AKAP8L: variants seen among roughly 807,000 people sequenced by gnomAD.
AKAP8L encodes A-kinase anchor protein 8-like.
In AKAP8L, 34 loss-of-function variants were observed where a neutral mutation model predicts 77.5. The ratio of observed to expected loss-of-function variants is 0.44; its 90% confidence interval spans 0.33 to 0.58. The LOEUF is 0.58. Among genes scored for constraint, AKAP8L ranks in the 20% least tolerant of loss-of-function variants. The probability of loss-of-function intolerance (pLI) is 0.02; values close to 1 mark genes in which losing one functional copy is unlikely to be tolerated. For synonymous variants in AKAP8L, 342 were observed against 340.7 expected (o/e 1.00, Z -0.04); for missense variants, 806 against 887.6 (o/e 0.91, Z 1.17).
chr19:15,392,488 C>A (rs1967682953), intron 12 of AKAP8L, among the ~76,000 whole-genome samples: 1 of 150,732 alleles, frequency 6.6e-6, no homozygotes. Context: ...CAGAGTGAGA[C>A]CCTATTTCAA....
Position 15,401,337 on chromosome 19 carries a change from T to G in AKAP8L, c.629A>C (p.Gln210Pro). ...CAGCCGAGAGGCACCAGACATGCAC[T>G]GGCCCCGGGCCCCCATGGGGTCTTC... ...MWEDPMGARG[Q>P]CMSGASRLPS... Residue 210 changes from glutamine to proline, a missense_variant, in exon 5 of 14, where the codon CAG becomes CCG. Gln to Pro is a moderately conservative substitution (Grantham distance 76, BLOSUM62 -1). Coordinates refer to ENST00000397410, the MANE Select transcript of AKAP8L (RefSeq NM_014371.4). This position sits in a 1 kb window ranked among gnomAD's most constrained non-coding sequence, Gnocchi z 6.2. The G allele has an allele frequency of 6.2e-7, 1 of 1,613,440 alleles. No homozygotes were observed. Among genetic ancestry groups the G allele is most frequent in the Admixed American group, 1.7e-5 (1 of 60,030 alleles).
intron 1 of AKAP8L, among the ~76,000 whole-genome samples, chr19:15,416,025 C>T (rs942415522): frequency 6.6e-6 from 1 of 151,994 alleles, no homozygotes; most frequent in African/African-American, 2.4e-5. Context: ...AAGGGTCTTG[C>T]TATGTTGCCC....
intron 1 of AKAP8L, 91 bp downstream of exon 1, chr19:15,418,820 C>T: frequency 7.2e-7 from 1 of 1,385,606 alleles, no homozygotes; most frequent in Admixed American, 1.9e-5. Flanking sequence ...GTGACGGGGC[C>T]CCAGGGGAGG....
In AKAP8L at chr19:15,403,382, G is replaced by A. The variant is rs1220853976; in HGVS notation, c.362+93C>T. 18 of 1,240,938 alleles carry A rather than the reference G, an allele frequency of 1.5e-5. No homozygotes were observed. The highest frequency in any genetic ancestry group is 2.0e-5 in the Non-Finnish European group (17 of 855,982). The allele number at this position is 1,240,938 out of a possible 1,614,324, so 76.9% of individuals were successfully genotyped here. On this transcript the variant is annotated intron_variant, in intron 4 of 13. Coordinates refer to ENST00000397410, the MANE Select transcript of AKAP8L (RefSeq NM_014371.4). The surrounding 1 kb of genome is among the most constrained non-coding windows in gnomAD (Gnocchi z 4.3). ...AGCACCAAGCAGCGGGGAGGAAGCA[G>A]ACACAGAGGGGCACTCAGAGAGGAA...
rs1967363448 is a variant in AKAP8L, at chr19:15,380,087, T to G, written c.*35A>C. ...ACTTTATTAGGTTTGGTTTCCAGCT[T>G]CGGCCACGCGGGCTCCGCCCGCCCC... On this transcript the variant is annotated 3_prime_UTR_variant, in exon 14 of 14. Coordinates refer to ENST00000397410, the MANE Select transcript of AKAP8L (RefSeq NM_014371.4). 1.4e-6 allele frequency: 2 copies of G among 1,451,142 alleles called. No homozygotes were observed. The highest frequency in any genetic ancestry group is 1.8e-6 in the Non-Finnish European group (2 of 1,113,952). 89.9% of individuals were successfully genotyped at this position (1,451,142 alleles called of 1,614,324 possible).
chr19:15,401,719 G>T lies in AKAP8L; in HGVS notation c.363-116C>A. On this transcript the variant is annotated intron_variant, in intron 4 of 13. Transcript: ENST00000397410. This position sits in a 1 kb window ranked among gnomAD's most constrained non-coding sequence, Gnocchi z 6.2. ...AGCACCCACCCTGCCCTGGTTGGGAGGCTCAATGTTCAGAAATGCCGATTA... is the reference window on the plus strand; with the variant it reads ...AGCACCCACCCTGCCCTGGTTGGGATGCTCAATGTTCAGAAATGCCGATTA... 1 of 813,726 alleles carries T rather than the reference G, an allele frequency of 1.2e-6. No individual in the cohort carries two copies. Among genetic ancestry groups the T allele is most frequent in the Non-Finnish European group, 1.9e-6 (1 of 531,296 alleles). The allele number at this position is 813,726 out of a possible 1,614,324, so 50.4% of individuals were successfully genotyped here. A position where few individuals can be genotyped will look rare whatever the true frequency, so the allele number is the denominator to read the frequency against.
At position 15,398,234 on chromosome 19, in the gene AKAP8L, G is replaced by A. The variant is rs1006124483; in HGVS notation, c.1158-379C>T. On this transcript the variant is annotated intron_variant, in intron 9 of 13. Coordinates refer to ENST00000397410, the MANE Select transcript of AKAP8L (RefSeq NM_014371.4). This position sits in a 1 kb window ranked among gnomAD's most constrained non-coding sequence, Gnocchi z 9.2. ...GGACCGGAAGGAAGGATGCCCTGGCGTGAGCCAGGTGGCCCTGAGGTGCAG... is the reference window on the plus strand; with the variant it reads ...GGACCGGAAGGAAGGATGCCCTGGCATGAGCCAGGTGGCCCTGAGGTGCAG... 2.4e-5 allele frequency: 7 copies of A among 292,536 alleles called. No individual in the cohort carries two copies. The highest frequency in any genetic ancestry group is 1.4e-4 in the Admixed American group (3 of 21,842). 18.1% of individuals were successfully genotyped at this position (292,536 alleles called of 1,614,324 possible).
At chr19:15,418,345 C>T (rs1364250007) in intron 1 of AKAP8L, among the ~76,000 whole-genome samples, 1 of 152,202 alleles carries the variant, frequency 6.6e-6, no homozygotes, top group Admixed American at 6.5e-5. Context: ...AGTTCAGCCC[C>T]TAGGGGCCCA....
chr19:15,392,140 G>A (rs1419777223), intron 12 of AKAP8L, among the ~76,000 whole-genome samples: 1 of 152,214 alleles, frequency 6.6e-6, no homozygotes, highest in East Asian at 1.9e-4. Flanking sequence ...AGCCATAGCT[G>A]AAATATTATT....
intron 4 of AKAP8L, among the ~76,000 whole-genome samples, chr19:15,402,740 A>G (rs750828579): frequency 6.6e-6 from 1 of 152,164 alleles, no homozygotes; most frequent in African/African-American, 2.4e-5. Flanking sequence ...CATGTTAGAG[A>G]TACACCCACG....
chr19:15,411,743 A>C (rs1968108552), intron 1 of AKAP8L, among the ~76,000 whole-genome samples: 1 of 151,910 alleles, frequency 6.6e-6, no homozygotes, highest in African/African-American at 2.4e-5. Flanking sequence ...TCAACTTTCA[A>C]ACTATTTCTC....
At chr19:15,400,551 T>C (rs1967871920) in intron 7 of AKAP8L, 193 bp from the exon 8 acceptor site, 1 of 723,048 alleles carries the variant, frequency 1.4e-6, no homozygotes, top group Non-Finnish European at 2.2e-6. Flanking sequence ...GGCCCGGCTA[T>C]GTGCCAGAAA....
chr19:15,400,729 A>G, intron 7 of AKAP8L, 65 bp downstream of exon 7: 1 of 1,575,220 alleles, frequency 6.3e-7, no homozygotes, highest in Non-Finnish European at 8.7e-7. Context: ...CCCCAGGGAG[A>G]GCACCACTCT....
At chr19:15,406,362 GGAGAGAGAGAGAGAGAGAGAGAGAGA>G (rs3040938) in intron 2 of AKAP8L, among the ~76,000 whole-genome samples, 2 of 89,380 alleles carry the variant, frequency 2.2e-5, no homozygotes, top group Admixed American at 1.1e-4. Context: ...GAAATTTTAA[GGAGAGAGAGAGAGAGAGAGAGAGAGA>G]GAGAGAGAGA....
In AKAP8L at chr19:15,380,121, G is replaced by A. The variant is rs1353885290; in HGVS notation, c.*1C>T. 2 of 1,491,416 alleles carry A rather than the reference G, an allele frequency of 1.3e-6. No individual in the cohort carries two copies. Among genetic ancestry groups the A allele is most frequent in the South Asian group, 1.3e-5 (1 of 79,582 alleles). The allele number at this position is 1,491,416 out of a possible 1,614,324, so 92.4% of individuals were successfully genotyped here. Reference sequence around the variant, plus strand: ...CGGGCTCCGCCCGCCCCGAGCTCGGGTCACGGGGCGCCCCCGCCGCCCTCC... The same window carrying A: ...CGGGCTCCGCCCGCCCCGAGCTCGGATCACGGGGCGCCCCCGCCGCCCTCC... On this transcript the variant is annotated 3_prime_UTR_variant, in exon 14 of 14. Transcript: ENST00000397410.
chr19:15,394,429 G>T (rs570839882), intron 12 of AKAP8L, among the ~76,000 whole-genome samples: 1 of 152,164 alleles, frequency 6.6e-6, no homozygotes, highest in African/African-American at 2.4e-5. Flanking sequence ...AGGTTGGGGG[G>T]GCTGATAGCT....
At position 15,380,173 on chromosome 19, in the gene AKAP8L, G is replaced by C; in HGVS notation, c.1890C>G (p.Ile630Met). ...GGALQRQIRG[I>M]PGLDVEDDEE... Reference sequence around the variant, plus strand: ...CGTCGTCCTCCACGTCGAGGCCCGGGATGCCGCGGATCTGGCGTTGCAGCG... The same window carrying C: ...CGTCGTCCTCCACGTCGAGGCCCGGCATGCCGCGGATCTGGCGTTGCAGCG... The change falls in exon 14 of 14, where the codon ATC becomes ATG. Residue 630 changes from isoleucine (I) to methionine (M), a missense_variant. Around this residue, in one of 2 missense-constraint regions of AKAP8L, gnomAD observed 226 missense variants for 193.5 expected, o/e 1.17. Coordinates refer to ENST00000397410, the MANE Select transcript of AKAP8L (RefSeq NM_014371.4). The C allele has an allele frequency of 6.6e-7, 1 of 1,505,646 alleles. No individual in the cohort carries two copies. Among genetic ancestry groups the C allele is most frequent in the Admixed American group, 2.1e-5 (1 of 47,562 alleles). The allele number at this position is 1,505,646 out of a possible 1,614,324, so 93.3% of individuals were successfully genotyped here. A position where few individuals can be genotyped will look rare whatever the true frequency, so the allele number is the denominator to read the frequency against.
chr19:15,415,722 T>C (rs1170521757), intron 1 of AKAP8L, among the ~76,000 whole-genome samples: 1 of 151,852 alleles, frequency 6.6e-6, no homozygotes, highest in Non-Finnish European at 1.5e-5. Context: ...CCGTCTCTAC[T>C]AAAAATACAA....
At chr19:15,404,683 G>C (rs1289091348) in intron 2 of AKAP8L, among the ~76,000 whole-genome samples, 1 of 152,224 alleles carries the variant, frequency 6.6e-6, no homozygotes, top group Non-Finnish European at 1.5e-5. Context: ...GCACAGAGCA[G>C]GTGACCCCTT....
Sources: allele counts gnomAD v4.1 joint callset (sites outside exome capture counted in the v4.1 genomes callset), GRCh38; gene constraint gnomAD v4.1.1; regional missense constraint gnomAD v4.1.1; non-coding constraint Gnocchi (gnomAD v3.1); transcripts MANE v1.5; gene names NCBI Gene and HGNC (gene_info 2026-07-23, HGNC 2026-07-21).